TGDS: variants seen among roughly 807,000 people sequenced by gnomAD.
The protein encoded by TGDS is UDP-D-glucose 4,6-dehydratase.
TGDS carries 47 observed loss-of-function variants against 52.3 expected under a neutral mutation model. The observed-to-expected ratio is 0.90, with a 90% CI of 0.71 to 1.15. The LOEUF (loss-of-function observed/expected upper bound fraction) is 1.15, where lower values mean the gene tolerates loss of function less well. TGDS is among the 50% of genes most tolerant of loss of function. TGDS has a pLI of 0.00. For missense variants in TGDS, 375 were observed against 418.4 expected (o/e 0.90, Z 0.90); for synonymous variants, 115 against 136.9 (o/e 0.84, Z 1.12).
chr13:94,589,834 G>A (rs1889128220), intron 4 of TGDS, among the ~76,000 whole-genome samples: 1 of 152,124 alleles, frequency 6.6e-6, no homozygotes, highest in Admixed American at 6.5e-5. Context: ...CTGGAGGAGT[G>A]GAAGTTGGTA....
At chr13:94,596,237 G>A (rs551125124), upstream of TGDS, 168 of 1,304,340 alleles carry the variant, frequency 1.3e-4, 1 homozygote, top group East Asian at 8.1e-4. Context: ...CGCGGGACAC[G>A]TTAACAGAGC....
At chr13:94,586,588 A>G (rs1460257188) in intron 4 of TGDS, among the ~76,000 whole-genome samples, 33 of 152,188 alleles carry the variant, frequency 2.2e-4, no homozygotes, top group Admixed American at 2.2e-3. Flanking sequence ...CCATATACTG[A>G]ACCAAAAAGC....
chr13:94,575,306 T>A (rs75087179), intron 11 of TGDS, among the ~76,000 whole-genome samples: 1 of 148,614 alleles, frequency 6.7e-6, no homozygotes, highest in East Asian at 2.0e-4. Context: ...TTTTTTTTTT[T>A]AAAGAGATGG....
At position 94,590,877 on chromosome 13, in the gene TGDS, G is replaced by A. The variant is rs770771817; in HGVS notation, c.289C>T (p.His97Tyr). ...CCTACATGTGTTTGTGCGGCAAAAT[G>A]TAGTACTATATCTATTTTCTCTGTT... ...FETEKIDIVL[H>Y]FAAQTHVDLS... is the part of the protein sequence containing the mutation. The change falls in exon 4 of 12, where the codon CAT becomes TAT. Residue 97 changes from histidine (H) to tyrosine (Y), a missense_variant. By Grantham distance (83) the His-to-Tyr change is moderately conservative. Transcript: ENST00000261296. 1 of 1,572,356 alleles carries A rather than the reference G, an allele frequency of 6.4e-7. No individual in the cohort carries two copies. Among genetic ancestry groups the A allele is most frequent in the East Asian group, 2.3e-5 (1 of 42,678 alleles).
At chr13:94,576,483 T>A (rs1040820117) in intron 10 of TGDS, 72 bp from the exon 11 acceptor site, 1 of 1,034,148 alleles carries the variant, frequency 9.7e-7, no homozygotes, top group South Asian at 2.4e-5. Context: ...AGGAGATATG[T>A]GTTTATGCAT....
chr13:94,589,872 T>C (rs541775946), intron 4 of TGDS, among the ~76,000 whole-genome samples: 65 of 152,242 alleles, frequency 4.3e-4, no homozygotes, highest in African/African-American at 1.5e-3. Flanking sequence ...GTTTTGACAT[T>C]ATCTCAACGT....
At chr13:94,589,583 G>A (rs893052914) in intron 4 of TGDS, among the ~76,000 whole-genome samples, 1 of 151,998 alleles carries the variant, frequency 6.6e-6, no homozygotes, top group East Asian at 1.9e-4. Context: ...CAAAGTTCTG[G>A]GATTACAGGC....
rs1312855516 is a variant in TGDS, at chr13:94,574,691, G to A, written c.*91C>T. The A allele has an allele frequency of 7.4e-6, 5 of 675,366 alleles. No homozygotes were observed. Among genetic ancestry groups the A allele is most frequent in the Non-Finnish European group, 1.3e-5 (5 of 389,918 alleles). The allele number at this position is 675,366 out of a possible 1,614,324, so 41.8% of individuals were successfully genotyped here. On this transcript the variant is annotated 3_prime_UTR_variant, in exon 12 of 12. Coordinates refer to ENST00000261296, the MANE Select transcript of TGDS (RefSeq NM_014305.4). ...ATGAATCTAATTCCAAAAGAAAAGA[G>A]TGCACTTCATTTGGTCACTTAATTT...
At chr13:94,583,681 A>G (rs888088189) in intron 4 of TGDS, among the ~76,000 whole-genome samples, 1 of 152,208 alleles carries the variant, frequency 6.6e-6, no homozygotes, top group African/African-American at 2.4e-5. Flanking sequence ...AACTTCCTTA[A>G]TGATGAATCA....
chr13:94,578,213 TAA>T lies in TGDS; in HGVS notation c.660-45_660-44del, dbSNP rs1888669444. ...AGTGAAATCATAAAGTGTAAAAAGG[TAA>T]ACTCTCCTAAAGCATTGACTGGGTA... On this transcript the variant is annotated intron_variant, in intron 8 of 11. Coordinates refer to ENST00000261296, the MANE Select transcript of TGDS (RefSeq NM_014305.4). The T allele has an allele frequency of 5.7e-6, 9 of 1,585,140 alleles. No homozygotes were observed. In the Middle Eastern group the frequency reaches 7.0e-4, roughly 122 times the overall value.
chr13:94,594,187 G>A (rs932982691), intron 1 of TGDS, among the ~76,000 whole-genome samples: 2 of 152,120 alleles, frequency 1.3e-5, no homozygotes, highest in Non-Finnish European at 2.9e-5. Flanking sequence ...TTAACCAAAC[G>A]ATGCCATCCA....
intron 4 of TGDS, 66 bp from the exon 5 acceptor site, chr13:94,583,302 G>C (rs1173538730): frequency 3.2e-6 from 5 of 1,542,388 alleles, no homozygotes; most frequent in Non-Finnish European, 4.4e-6. Context: ...CCAAATGATG[G>C]ACTCAGGTTT....
At chr13:94,595,277 C>T (rs1164686163) in intron 1 of TGDS, among the ~76,000 whole-genome samples, 1 of 152,120 alleles carries the variant, frequency 6.6e-6, no homozygotes, top group Non-Finnish European at 1.5e-5. Context: ...GATCAGGTTG[C>T]AAAAGTAGGG....
intron 4 of TGDS, among the ~76,000 whole-genome samples, chr13:94,586,202 G>A (rs185667184): frequency 9.2e-5 from 14 of 152,218 alleles, no homozygotes; most frequent in African/African-American, 2.9e-4. Flanking sequence ...AACACTGAGG[G>A]CAAATGCCGA....
intron 2 of TGDS, among the ~76,000 whole-genome samples, chr13:94,592,972 C>T (rs902854424): frequency 5.3e-5 from 8 of 151,898 alleles, no homozygotes; most frequent in African/African-American, 1.2e-4. Context: ...TGGCCAACAT[C>T]GTGAAACCCC....
At chr13:94,584,995 C>T (rs1315445662) in intron 4 of TGDS, among the ~76,000 whole-genome samples, 1 of 152,050 alleles carries the variant, frequency 6.6e-6, no homozygotes, top group East Asian at 1.9e-4. Flanking sequence ...TAAAAATAAT[C>T]AGGCACTTAA....
At chr13:94,590,369 G>A (rs1307821512) in intron 4 of TGDS, among the ~76,000 whole-genome samples, 1 of 151,852 alleles carries the variant, frequency 6.6e-6, no homozygotes, top group African/African-American at 2.4e-5. Context: ...TACTACTGAA[G>A]AGGATTCAGC....
chr13:94,596,189 G>T, upstream of TGDS: 1 of 1,567,466 alleles, frequency 6.4e-7, no homozygotes, highest in Non-Finnish European at 8.7e-7. Flanking sequence ...GAAAAGCGCA[G>T]GGAAGTTCCG....
Position 94,588,421 on chromosome 13 carries a change from C to CAA in TGDS, c.313+2430_313+2431dup, listed in dbSNP as rs150186125. Among the ~76,000 whole-genome samples, 70 of 58,490 alleles carry CAA rather than the reference C, an allele frequency of 1.2e-3. 2 individuals are homozygous for CAA. The highest frequency in any genetic ancestry group is 3.7e-3 in the African/African-American group (53 of 14,394). The allele number at this position is 58,490 out of a possible 152,430, so 38.4% of individuals were successfully genotyped here. ...CTGGGCAATCAGCGAGACTCTGTCT[C>CAA]AAAAAAAAAAAAAAAAAAAAAAAAA... On this transcript the variant is annotated intron_variant, in intron 4 of 11. Coordinates refer to ENST00000261296, the MANE Select transcript of TGDS (RefSeq NM_014305.4).
Sources: allele counts gnomAD v4.1 joint callset (sites outside exome capture counted in the v4.1 genomes callset), GRCh38; gene constraint gnomAD v4.1.1; transcripts MANE v1.5; gene names NCBI Gene and HGNC (gene_info 2026-07-23, HGNC 2026-07-21).